The following ADARB1 variants were observed in gnomAD, a reference collection of about 807,000 sequenced individuals.
ADARB1 encodes adenosine deaminase RNA specific B1.
ADARB1 carries 10 observed loss-of-function variants against 52.4 expected under a neutral mutation model. The observed-to-expected ratio is 0.19, with a 90% CI of 0.12 to 0.32. The LOEUF (loss-of-function observed/expected upper bound fraction) is 0.32. Ranked by LOEUF, ADARB1 falls within the 10% of genes least tolerant of loss-of-function variation. The pLI is 1.00. For synonymous variants in ADARB1, 349 were observed against 371.1 expected (o/e 0.94, Z 0.68); for missense variants, 643 against 922.3 (o/e 0.70, Z 3.92).
intron 4 of ADARB1, chr21:45,177,026 T>C (rs918935350): frequency 2.0e-5 from 4 of 195,838 alleles, no homozygotes; most frequent in African/African-American, 9.3e-5. Flanking sequence ...AGCCCAGTCT[T>C]TGAAACCTTG....
At chr21:45,171,572 A>G (rs2091484113) in intron 2 of ADARB1, 38 bp from the exon 3 acceptor site, 5 of 1,303,976 alleles carry the variant, frequency 3.8e-6, no homozygotes, top group Admixed American at 1.8e-5. Context: ...TACTCCTGTC[A>G]TAGGCACACT....
In ADARB1 at chr21:45,224,371, C is replaced by T. The variant is rs2093019110; in HGVS notation, c.*2174C>T. 2 of 985,392 alleles carry T rather than the reference C, an allele frequency of 2.0e-6. No homozygotes were observed. The highest frequency in any genetic ancestry group is 4.7e-5 in the South Asian group (1 of 21,288). 61.0% of individuals were successfully genotyped at this position (985,392 alleles called of 1,614,324 possible). ...GGGGCCTGAGCAGCTACCTTGAGAC[C>T]ATGTGAGGTGGCACCTTTCCGGGGT... On this transcript the variant is annotated 3_prime_UTR_variant, in exon 11 of 11. Transcript: ENST00000348831.
chr21:45,121,657 C>T (rs1283841319), intron 1 of ADARB1, among the ~76,000 whole-genome samples: 1 of 152,128 alleles, frequency 6.6e-6, no homozygotes, highest in Non-Finnish European at 1.5e-5. Flanking sequence ...CCAGTTTGGC[C>T]ATTTTCTCTT....
chr21:45,153,502 G>A (rs897015367), intron 2 of ADARB1, among the ~76,000 whole-genome samples: 1 of 152,208 alleles, frequency 6.6e-6, no homozygotes, highest in African/African-American at 2.4e-5. Flanking sequence ...CAGGACTGGA[G>A]TACAGCGCTT....
At chr21:45,129,122 G>A (rs1036762698) in intron 2 of ADARB1, among the ~76,000 whole-genome samples, 2 of 151,924 alleles carry the variant, frequency 1.3e-5, no homozygotes, top group Non-Finnish European at 2.9e-5. Context: ...TCCCAGCCTC[G>A]GGAGACTGAG....
rs2089781808 is a variant in ADARB1 at position 45,142,468 on chromosome 21, A to G, written c.-48+13895A>G. 6.6e-6 allele frequency among the ~76,000 whole-genome samples: 1 copy of G among 152,264 alleles called. No individual in the cohort carries two copies. Among genetic ancestry groups the G allele is most frequent in the South Asian group, 2.1e-4 (1 of 4,834 alleles). ...CAGAAATGTGTTTATGTAAAGAAAT[A>G]TGTTACTTGACTTAATATTGTAAGG... On this transcript the variant is annotated intron_variant, in intron 2 of 10. Coordinates refer to ENST00000348831, the MANE Select transcript of ADARB1 (RefSeq NM_001112.4). The surrounding 1 kb of genome is among the most constrained non-coding windows in gnomAD (Gnocchi z 4.0).
At chr21:45,144,237 TATAA>T (rs1312341762) in intron 2 of ADARB1, among the ~76,000 whole-genome samples, 1 of 152,194 alleles carries the variant, frequency 6.6e-6, no homozygotes, top group Non-Finnish European at 1.5e-5. Context: ...TTCCCCTTCT[TATAA>T]GAGTAGAAAA....
chr21:45,178,924 C>G (rs1749534178), intron 4 of ADARB1, among the ~76,000 whole-genome samples: 1 of 152,146 alleles, frequency 6.6e-6, no homozygotes, highest in African/African-American at 2.4e-5. Flanking sequence ...GAGTGAGGCT[C>G]TCGGAACTCA....
intron 1 of ADARB1, among the ~76,000 whole-genome samples, chr21:45,098,119 T>TG (rs1016540568): frequency 6.6e-6 from 1 of 152,116 alleles, no homozygotes; most frequent in African/African-American, 2.4e-5. Context: ...CCCACCCGGG[T>TG]GCTTGCCTTT....
chr21:45,109,267 ACTGCGCGC>A (rs1366149734), intron 1 of ADARB1, among the ~76,000 whole-genome samples: 6 of 33,252 alleles, frequency 1.8e-4, no homozygotes, highest in Non-Finnish European at 4.2e-4. Flanking sequence ...ATGTGTGTGC[ACTGCGCGC>A]GTGTGCGCGC....
chr21:45,156,333 C>T (rs111220500), intron 2 of ADARB1, among the ~76,000 whole-genome samples: 6 of 141,684 alleles, frequency 4.2e-5, no homozygotes, highest in East Asian at 2.2e-4. Flanking sequence ...CATCACCCAT[C>T]ACCCATCATC....
intron 8 of ADARB1, among the ~76,000 whole-genome samples, chr21:45,189,660 G>A (rs1377104838): frequency 6.6e-6 from 1 of 151,772 alleles, no homozygotes. Context: ...TTGTTTATCT[G>A]GAAAAGTCTT....
At chr21:45,178,164 G>A (rs2091776715) in intron 4 of ADARB1, among the ~76,000 whole-genome samples, 1 of 152,210 alleles carries the variant, frequency 6.6e-6, no homozygotes, top group Non-Finnish European at 1.5e-5. Flanking sequence ...TGTAGGCTAG[G>A]AGCACCTTAG....
chr21:45,217,533 G>T (rs1009430173), intron 9 of ADARB1, among the ~76,000 whole-genome samples: 4 of 151,904 alleles, frequency 2.6e-5, no homozygotes, highest in Non-Finnish European at 5.9e-5. Context: ...AGACACTTTT[G>T]CATGTGTTAA....
intron 1 of ADARB1, among the ~76,000 whole-genome samples, chr21:45,121,326 G>A (rs1465895245): frequency 6.6e-6 from 1 of 152,178 alleles, no homozygotes; most frequent in African/African-American, 2.4e-5. Flanking sequence ...GGTGTGATTT[G>A]TGTGAAAACA....
chr21:45,181,336 C>G (rs952417146), intron 5 of ADARB1: 3 of 152,696 alleles, frequency 2.0e-5, no homozygotes, highest in Middle Eastern at 3.4e-3. Flanking sequence ...CCTGGCTGCT[C>G]TGCTCATGAC....
intron 1 of ADARB1, among the ~76,000 whole-genome samples, chr21:45,083,008 T>C (rs2086210955): frequency 6.6e-6 from 1 of 152,240 alleles, no homozygotes; most frequent in Non-Finnish European, 1.5e-5. Context: ...TCAGTGTTCA[T>C]GCACCATTGT....
At chr21:45,122,464 G>A (rs1324829009) in intron 1 of ADARB1, among the ~76,000 whole-genome samples, 9 of 152,140 alleles carry the variant, frequency 5.9e-5, no homozygotes, top group Non-Finnish European at 1.3e-4. Flanking sequence ...GGAGATAGTG[G>A]GGTATAAACC....
chr21:45,196,902 C>G (rs1289071432), intron 8 of ADARB1, among the ~76,000 whole-genome samples: 1 of 152,198 alleles, frequency 6.6e-6, no homozygotes, highest in Non-Finnish European at 1.5e-5. Flanking sequence ...CTTTTAAAGA[C>G]AGTTTGACAC....
Sources: allele counts gnomAD v4.1 joint callset (sites outside exome capture counted in the v4.1 genomes callset), GRCh38; gene constraint gnomAD v4.1.1; non-coding constraint Gnocchi (gnomAD v3.1); transcripts MANE v1.5; gene names NCBI Gene and HGNC (gene_info 2026-07-23, HGNC 2026-07-21).